Variants in BLTP1 observed in about 807,000 individuals in gnomAD.
BLTP1 encodes fragile site-associated protein.
the BLTP1 span, chr4:122,189,490 A>G: frequency 2.2e-6 from 2 of 907,798 alleles, no homozygotes; most frequent in East Asian, 1.2e-4. Flanking sequence ...GATAAAAATG[A>G]TAACTTTTTT....
At chr4:122,331,655 A>G in the BLTP1 span, 1 of 1,442,276 alleles carries the variant, frequency 6.9e-7, no homozygotes. Flanking sequence ...TGAAGTGTAA[A>G]TGTAATTATA....
chr4:122,222,033 G>T, the BLTP1 span: 12 of 384,364 alleles, frequency 3.1e-5, no homozygotes, highest in Non-Finnish European at 4.3e-5. Context: ...ACTTATTTGG[G>T]GATTAGAGAA....
the BLTP1 span, chr4:122,227,619 T>A: frequency 3.9e-6 from 1 of 256,408 alleles, no homozygotes; most frequent in Non-Finnish European, 6.1e-6. Context: ...TCTTCTGCTA[T>A]ACAAATTATA....
At chr4:122,154,477 C>G in the BLTP1 span, 1 of 985,242 alleles carries the variant, frequency 1.0e-6, no homozygotes, top group South Asian at 4.7e-5. Flanking sequence ...TGTGCATTGG[C>G]AGGAGAAAGC....
the BLTP1 span, chr4:122,336,044 C>A: frequency 3.4e-6 from 2 of 586,046 alleles, no homozygotes; most frequent in East Asian, 5.7e-5. Context: ...ATTAACATAT[C>A]ATTCCTATCA....
chr4:122,229,940 A>G, the BLTP1 span: 19 of 1,612,036 alleles, frequency 1.2e-5, no homozygotes, highest in African/African-American at 2.0e-4. Flanking sequence ...GATGGGTGCA[A>G]TTCGAGTTGC....
At chr4:122,357,568 CAAAAAAAA>C in the BLTP1 span, among the ~76,000 whole-genome samples, 1 of 80,340 alleles carries the variant, frequency 1.2e-5, no homozygotes, top group Non-Finnish European at 2.6e-5. Context: ...GATCCTGTCT[CAAAAAAAA>C]AAAAAAAAAG....
At chr4:122,172,454 A>G in the BLTP1 span, 1 of 342,928 alleles carries the variant, frequency 2.9e-6, no homozygotes, top group Admixed American at 6.5e-5. Flanking sequence ...TTAGAATATC[A>G]TTTACTGTAG....
At chr4:122,316,368 A>G in the BLTP1 span, 1 of 473,038 alleles carries the variant, frequency 2.1e-6, no homozygotes, top group South Asian at 1.5e-5. Flanking sequence ...GAAGTTCAAT[A>G]AGTGGAGATG....
At chr4:122,332,657 T>G in the BLTP1 span, among the ~76,000 whole-genome samples, 1 of 143,752 alleles carries the variant, frequency 7.0e-6, no homozygotes, top group Admixed American at 7.1e-5. Context: ...ATACTCTAAG[T>G]TTTAGGGTAC....
At chr4:122,155,523 C>G in the BLTP1 span, among the ~76,000 whole-genome samples, 2 of 152,022 alleles carry the variant, frequency 1.3e-5, no homozygotes, top group South Asian at 4.2e-4. Flanking sequence ...AGAGTTTCAC[C>G]ATGTTGGCCA....
the BLTP1 span, chr4:122,234,838 T>G: frequency 6.2e-7 from 1 of 1,613,870 alleles, no homozygotes; most frequent in Non-Finnish European, 8.5e-7. Flanking sequence ...TGTGGTTGTC[T>G]CGGTGGCTGC....
chr4:122,263,097 C>T, the BLTP1 span: 1 of 1,373,938 alleles, frequency 7.3e-7, no homozygotes, highest in Non-Finnish European at 9.6e-7. Context: ...TCTCTCATAC[C>T]TTATCTTTGA....
the BLTP1 span, chr4:122,347,463 C>A: frequency 6.4e-7 from 1 of 1,551,536 alleles, no homozygotes; most frequent in Non-Finnish European, 8.7e-7. Context: ...TATTTTATAA[C>A]ATAGGGATTT....
chr4:122,264,503 AC>A, the BLTP1 span: 10 of 1,331,732 alleles, frequency 7.5e-6, no homozygotes, highest in Non-Finnish European at 8.9e-6. Flanking sequence ...CTCCAATAGT[AC>A]GCACCTTGGA....
At chr4:122,196,562 T>C in the BLTP1 span, 2 of 1,210,774 alleles carry the variant, frequency 1.7e-6, no homozygotes, top group Non-Finnish European at 2.3e-6. Flanking sequence ...ATTAGAATAT[T>C]GATTATGTTC....
At chr4:122,301,562 C>G in the BLTP1 span, among the ~76,000 whole-genome samples, 1 of 151,992 alleles carries the variant, frequency 6.6e-6, no homozygotes, top group South Asian at 2.1e-4. Context: ...TTTGAATATT[C>G]TTTAGGACTT....
the BLTP1 span, chr4:122,251,248 G>A: frequency 1.1e-6 from 1 of 898,970 alleles, no homozygotes; most frequent in Non-Finnish European, 1.3e-6. Flanking sequence ...AGCTCAGTAT[G>A]TAGTATGTAA....
chr4:122,152,539 C>G, the BLTP1 span: 36 of 985,844 alleles, frequency 3.7e-5, no homozygotes, highest in Non-Finnish European at 4.3e-5. Context: ...CGGCGTTCCC[C>G]GGAGAGAGGC....
Sources: allele counts gnomAD v4.1 joint callset (sites outside exome capture counted in the v4.1 genomes callset), GRCh38; gene constraint gnomAD v4.1.1; transcripts MANE v1.5; gene names NCBI Gene and HGNC (gene_info 2026-07-23, HGNC 2026-07-21).